HACD2: variants seen among roughly 807,000 people sequenced by gnomAD.
HACD2 encodes 3-hydroxyacyl-CoA dehydratase 2.
HACD2 carries 15 observed loss-of-function variants against 31.0 expected under a neutral mutation model. That is an observed-to-expected ratio of 0.48 (90% CI 0.32 to 0.75). The LOEUF (loss-of-function observed/expected upper bound fraction) is 0.75, where lower values mean the gene tolerates loss of function less well. HACD2 is among the 30% of genes least tolerant of loss of function. The pLI is 0.03. For missense variants in HACD2, 283 were observed against 313.0 expected (o/e 0.90, Z 0.72); for synonymous variants, 115 against 122.2 (o/e 0.94, Z 0.39).
intron 3 of HACD2, among the ~76,000 whole-genome samples, chr3:123,567,311 AC>A (rs950895018): frequency 6.6e-6 from 1 of 152,334 alleles, no homozygotes; most frequent in Admixed American, 6.5e-5. Flanking sequence ...AACCCTTTAT[AC>A]GTAGTACTTC....
intron 2 of HACD2, among the ~76,000 whole-genome samples, chr3:123,575,132 A>T (rs1459486890): frequency 1.3e-5 from 2 of 150,744 alleles, no homozygotes; most frequent in African/African-American, 2.5e-5. Flanking sequence ...TTTGGAAAAC[A>T]GGGTCTTGCT....
intron 3 of HACD2, among the ~76,000 whole-genome samples, chr3:123,562,915 A>G (rs2107742683): frequency 1.3e-5 from 2 of 152,380 alleles, no homozygotes; most frequent in East Asian, 1.9e-4. Context: ...GATCTAAGTA[A>G]AAATGAAGCA....
chr3:123,565,186 G>T (rs955428137), intron 3 of HACD2, among the ~76,000 whole-genome samples: 4 of 152,122 alleles, frequency 2.6e-5, no homozygotes, highest in African/African-American at 7.2e-5. Flanking sequence ...TTATTTCCAG[G>T]TGTAGAGAAA....
At chr3:123,536,808 T>A (rs775444254) in intron 3 of HACD2, among the ~76,000 whole-genome samples, 16 of 152,102 alleles carry the variant, frequency 1.1e-4, no homozygotes, top group Non-Finnish European at 1.8e-4. Flanking sequence ...AAGGTCTGAG[T>A]CAAAGAGAGT....
intron 2 of HACD2, among the ~76,000 whole-genome samples, chr3:123,577,163 AG>A (rs2056916053): frequency 6.6e-6 from 1 of 152,210 alleles, no homozygotes; most frequent in Non-Finnish European, 1.5e-5. Flanking sequence ...GTGGTCCATC[AG>A]GAAGTCCCAG....
At chr3:123,535,857 T>C (rs1002449240) in intron 3 of HACD2, among the ~76,000 whole-genome samples, 1 of 152,212 alleles carries the variant, frequency 6.6e-6, no homozygotes, top group African/African-American at 2.4e-5. Flanking sequence ...ATTTAATACA[T>C]AGCTCATTCA....
intron 3 of HACD2, among the ~76,000 whole-genome samples, chr3:123,548,544 T>C (rs1056175732): frequency 6.6e-6 from 1 of 152,228 alleles, no homozygotes; most frequent in Non-Finnish European, 1.5e-5. Flanking sequence ...TTGTAAGATA[T>C]GTTTTAATGT....
At chr3:123,566,472 T>C (rs558204098) in intron 3 of HACD2, among the ~76,000 whole-genome samples, 10 of 151,820 alleles carry the variant, frequency 6.6e-5, no homozygotes, top group Non-Finnish European at 1.2e-4. Context: ...TTTGTAGAGA[T>C]GGGGTCTCCC....
chr3:123,531,437 A>G (rs946290025), intron 3 of HACD2, among the ~76,000 whole-genome samples: 2 of 152,128 alleles, frequency 1.3e-5, no homozygotes, highest in African/African-American at 4.8e-5. Flanking sequence ...CTTGTGCCTC[A>G]GCCTCCTGAG....
chr3:123,551,468 T>C (rs1363295826), intron 3 of HACD2, among the ~76,000 whole-genome samples: 1 of 151,490 alleles, frequency 6.6e-6, no homozygotes, highest in East Asian at 1.9e-4. Flanking sequence ...AAAAAAAATA[T>C]ATAAAAATTA....
rs537360353 is a variant in HACD2 at position 123,573,724 on chromosome 3, T to C, written c.274-5944A>G. 2.0e-5 allele frequency among the ~76,000 whole-genome samples: 3 copies of C among 152,284 alleles called. No individual in the cohort carries two copies. The East Asian group carries it at 5.8e-4, about 29-fold the overall frequency. On this transcript the variant is annotated intron_variant, in intron 2 of 6. Transcript: ENST00000383657. ...CAGAACATAAACAAGCAAAAGGGTG[T>C]TGGTTATTCACTGGGCTCCCTCAGA...
At chr3:123,505,011 G>C (rs1291409029) in intron 4 of HACD2, among the ~76,000 whole-genome samples, 1 of 152,218 alleles carries the variant, frequency 6.6e-6, no homozygotes, top group Non-Finnish European at 1.5e-5. Flanking sequence ...CTGATGGATG[G>C]ATAAGCAAGA....
chr3:123,507,450 C>T, intron 4 of HACD2, among the ~76,000 whole-genome samples: 1 of 152,118 alleles, frequency 6.6e-6, no homozygotes, highest in Non-Finnish European at 1.5e-5. Context: ...GAAATATTGA[C>T]ACATGCTACA....
At chr3:123,531,360 C>T (rs990717544) in intron 3 of HACD2, among the ~76,000 whole-genome samples, 2 of 151,942 alleles carry the variant, frequency 1.3e-5, no homozygotes, top group African/African-American at 4.8e-5. Context: ...TGTTCTATCG[C>T]CCAGGCTGGA....
Position 123,494,683 on chromosome 3 carries a change from C to T in HACD2, c.*205G>A. ...GGTTGAAAGAGCATGCTGAAATGAA[C>T]TGGCCAGGGTGTTTTATGTAACAAC... is the stretch of plus-strand genomic sequence containing the variant. On this transcript the variant is annotated 3_prime_UTR_variant, in exon 7 of 7. Transcript: ENST00000383657. 1.7e-6 allele frequency: 1 copy of T among 574,910 alleles called. No individual in the cohort carries two copies. Among genetic ancestry groups the T allele is most frequent in the Non-Finnish European group, 3.0e-6 (1 of 328,690 alleles). The allele number at this position is 574,910 out of a possible 1,614,324, so 35.6% of individuals were successfully genotyped here.
intron 3 of HACD2, among the ~76,000 whole-genome samples, chr3:123,554,001 T>C (rs1156681575): frequency 1.0e-5 from 1 of 96,070 alleles, no homozygotes; most frequent in Non-Finnish European, 2.2e-5. Context: ...CCCTTGACTT[T>C]TTTTTCCCTT....
rs370361667 is a variant in HACD2, at chr3:123,500,673, A to G, written c.524T>C (p.Leu175Pro). 3 of 1,601,820 alleles carry G rather than the reference A, an allele frequency of 1.9e-6. No homozygotes were observed. The highest frequency in any genetic ancestry group is 2.5e-6 in the Non-Finnish European group (3 of 1,176,544). The stretch of plus-strand genomic sequence containing the variant: ...TTCTCCTGACACTCCCATTGGGTAC[A>G]GCACAATGAAAAGTGTGTACCTAAA... ...KWARYTLFIV[L>P]YPMGVSGELL... Residue 175 changes from leucine to proline, a missense_variant, in exon 6 of 7, where the codon CTG becomes CCG. Physicochemically the swap from Leu to Pro is moderately conservative, Grantham distance 98. Around this residue, in one of 3 missense-constraint regions of HACD2, gnomAD observed 85 missense variants for 129.6 expected, o/e 0.66. Transcript: ENST00000383657.
intron 3 of HACD2, among the ~76,000 whole-genome samples, chr3:123,542,779 G>GT (rs2056509257): frequency 6.6e-6 from 1 of 152,126 alleles, no homozygotes; most frequent in African/African-American, 2.4e-5. Context: ...ACATTCTGTC[G>GT]TATCAGAAAG....
At position 123,494,212 on chromosome 3, in the gene HACD2, C is replaced by G. The variant is rs2055804094; in HGVS notation, c.*676G>C. ...ATATATTCTTTACGGTACACACATA[C>G]TTATTAGATTCAAGCACGTTTCTTA... On this transcript the variant is annotated 3_prime_UTR_variant, in exon 7 of 7. Coordinates refer to ENST00000383657, the MANE Select transcript of HACD2 (RefSeq NM_198402.5). 1 of 152,532 alleles carries G rather than the reference C, an allele frequency of 6.6e-6. No individual in the cohort carries two copies. Among genetic ancestry groups the G allele is most frequent in the Admixed American group, 6.5e-5 (1 of 15,284 alleles). 9.4% of individuals were successfully genotyped at this position (152,532 alleles called of 1,614,324 possible).
Sources: gnomAD v4.1 joint callset for allele counts (sites outside exome capture counted in the v4.1 genomes callset) on GRCh38, gnomAD v4.1.1 for gene constraint, gnomAD v4.1.1 regional missense constraint, MANE v1.5 for transcripts, NCBI Gene and HGNC (gene_info 2026-07-23, HGNC 2026-07-21) for gene names.